Variants in NPHP4 observed in about 807,000 individuals in gnomAD.
NPHP4 encodes the protein nephrocystin 4, also known as nephrocystin-4.
In NPHP4, 151 loss-of-function variants were observed where a neutral mutation model predicts 155.8. The observed-to-expected ratio is 0.97, with a 90% CI of 0.85 to 1.11. The LOEUF (loss-of-function observed/expected upper bound fraction) is 1.11, where lower values mean the gene tolerates loss of function less well. NPHP4 is among the 50% of genes least tolerant of loss of function. The pLI, the probability that NPHP4 is intolerant of heterozygous loss-of-function variation, is 0.00. For missense variants in NPHP4, 1,956 were observed against 1,925.7 expected (o/e 1.02, Z -0.29); for synonymous variants, 845 against 816.8 (o/e 1.03, Z -0.59).
intron 3 of NPHP4, among the ~76,000 whole-genome samples, chr1:5,974,528 A>C (rs930073957): frequency 1.3e-5 from 2 of 152,128 alleles, no homozygotes; most frequent in African/African-American, 4.8e-5. Context: ...CTTTTTTAGA[A>C]GTTGAATGAA....
intron 5 of NPHP4, 54 bp downstream of exon 5, chr1:5,967,245 C>T: frequency 7.3e-7 from 1 of 1,377,726 alleles, no homozygotes; most frequent in Admixed American, 1.9e-5. Flanking sequence ...GTGGGGAACA[C>T]TCAGGGAAGG....
chr1:5,966,463 T>C (rs1651520829), intron 5 of NPHP4, among the ~76,000 whole-genome samples: 1 of 152,120 alleles, frequency 6.6e-6, no homozygotes, highest in South Asian at 2.1e-4. Context: ...CCAGGCTGGT[T>C]TCGAACTCCT....
intron 3 of NPHP4, among the ~76,000 whole-genome samples, chr1:5,975,261 T>C (rs1179272854): frequency 6.6e-6 from 1 of 152,158 alleles, no homozygotes; most frequent in Admixed American, 6.5e-5. Context: ...CTTTGCTCTG[T>C]ATGAGAATGC....
rs942161166 is a variant in NPHP4, at chr1:5,910,814, A to T, written c.1442-1601T>A. Among the ~76,000 whole-genome samples the T allele has an allele frequency of 2.0e-5, 3 of 152,160 alleles. No individual in the cohort carries two copies. The highest frequency in any genetic ancestry group is 4.4e-5 in the Non-Finnish European group (3 of 68,014). The stretch of plus-strand genomic sequence containing the variant: ...AGCAGCTTCCAGAACCCATCCAAGG[A>T]GGTGCTTCCCCAGCTGCAGGATCTG... On this transcript the variant is annotated intron_variant, in intron 11 of 29. Transcript: ENST00000378156. The surrounding 1 kb of genome is among the most constrained non-coding windows in gnomAD (Gnocchi z 5.4).
chr1:5,932,717 C>G (rs1646339181), intron 10 of NPHP4, among the ~76,000 whole-genome samples: 1 of 151,814 alleles, frequency 6.6e-6, no homozygotes, highest in Non-Finnish European at 1.5e-5. Flanking sequence ...TGGTACACAC[C>G]CAAGGTCCAA....
chr1:5,926,961 T>C (rs1646036886), intron 11 of NPHP4, among the ~76,000 whole-genome samples: 1 of 152,208 alleles, frequency 6.6e-6, no homozygotes, highest in African/African-American at 2.4e-5. Flanking sequence ...GGCCCCATAC[T>C]CATTCAGGTG....
At chr1:5,974,175 G>A (rs1653096377) in intron 3 of NPHP4, among the ~76,000 whole-genome samples, 1 of 152,214 alleles carries the variant, frequency 6.6e-6, no homozygotes, top group South Asian at 2.1e-4. Context: ...CGCTCAAGAG[G>A]GGCTTTCTCA....
chr1:5,964,939 A>ATTTTTTTTTTTTTTTT (rs1232148646), intron 5 of NPHP4, among the ~76,000 whole-genome samples: 4 of 62,700 alleles, frequency 6.4e-5, no homozygotes, highest in East Asian at 3.7e-4. Context: ...ATATATATAT[A>ATTTTTTTTTTTTTTTT]TATTTTTTTT....
rs147571490 is a variant in NPHP4 at position 5,883,011 on chromosome 1, C to A, written c.2486-2772G>T. Among the ~76,000 whole-genome samples the A allele has an allele frequency of 3.7e-3, 570 of 152,316 alleles. 1 individual carries two copies. Among genetic ancestry groups the A allele is most frequent in the African/African-American group, 0.013 (526 of 41,578 alleles). ...TGTATCTTCTGAAGCCCAGGAAGAA[C>A]AGGGCTCCCGGTGAGAAGGGCACTC... On this transcript the variant is annotated intron_variant, in intron 18 of 29. Transcript: ENST00000378156.
At chr1:5,864,767 C>G (rs185199261) in intron 27 of NPHP4, 1 of 544,968 alleles carries the variant, frequency 1.8e-6, no homozygotes, top group East Asian at 2.9e-5. Flanking sequence ...CTGAAGCCAT[C>G]TTGGGCTTAA....
intron 16 of NPHP4, among the ~76,000 whole-genome samples, chr1:5,902,473 C>T (rs1235926129): frequency 6.6e-6 from 1 of 152,224 alleles, no homozygotes; most frequent in Non-Finnish European, 1.5e-5. Context: ...ATCTGCCTCT[C>T]TTGACCGACT....
At chr1:5,868,035 C>G in intron 23 of NPHP4, 139 bp from the exon 24 acceptor site, 1 of 937,772 alleles carries the variant, frequency 1.1e-6, no homozygotes, top group Non-Finnish European at 1.7e-6. Flanking sequence ...GAAGGTCGGG[C>G]ATCGTCAAAG....
intron 7 of NPHP4, among the ~76,000 whole-genome samples, chr1:5,949,880 C>T (rs568592417): frequency 6.6e-6 from 1 of 152,270 alleles, no homozygotes; most frequent in South Asian, 2.1e-4. Context: ...GGAGGCAGCA[C>T]ATAGTGAGGC....
chr1:5,874,755 G>A, intron 21 of NPHP4, 98 bp from the exon 22 acceptor site: 1 of 1,516,902 alleles, frequency 6.6e-7, no homozygotes, highest in Non-Finnish European at 9.0e-7. Context: ...CAGAGGAGTG[G>A]GAGAGAGAAG....
chr1:5,945,116 A>T (rs1162889621), intron 9 of NPHP4, among the ~76,000 whole-genome samples: 1 of 152,238 alleles, frequency 6.6e-6, no homozygotes, highest in Non-Finnish European at 1.5e-5. Context: ...TCTTGGTTTC[A>T]GCATACAGAT....
intron 9 of NPHP4, 21 bp from the exon 10 acceptor site, chr1:5,933,350 A>G (rs1053020549): frequency 1.2e-6 from 2 of 1,602,336 alleles, no homozygotes; most frequent in African/African-American, 2.7e-5. Context: ...AACAAAGCAC[A>G]TCGGTGTATG....
intron 9 of NPHP4, among the ~76,000 whole-genome samples, chr1:5,943,061 G>C (rs577050303): frequency 1.7e-4 from 26 of 152,298 alleles, no homozygotes; most frequent in African/African-American, 6.0e-4. Flanking sequence ...TTCAAAAGAG[G>C]CAGTGCTGTG....
chr1:5,928,927 A>G (rs1277578651), intron 10 of NPHP4, among the ~76,000 whole-genome samples: 1 of 152,192 alleles, frequency 6.6e-6, no homozygotes, highest in Non-Finnish European at 1.5e-5. Flanking sequence ...ACGTCTCTCC[A>G]ATTATTTAGG....
Position 5,887,290 on chromosome 1 carries a change from G to C in NPHP4, c.2481C>G (p.Asn827Lys), listed in dbSNP as rs761721701. 1 of 1,612,368 alleles carries C rather than the reference G, an allele frequency of 6.2e-7. No individual in the cohort carries two copies. The highest frequency in any genetic ancestry group is 2.2e-5 in the East Asian group (1 of 44,842). ...CACAAGGCTGGGGACTCTTACCCAC[G>C]TTGGCCAAAGTCAGGTGCAGCCGGC... Reference protein sequence around the residue: ...VKGRLHLTLANVGHPCEQKVR... With the variant: ...VKGRLHLTLAKVGHPCEQKVR... The change falls in exon 18 of 30, where the codon AAC (asparagine) becomes AAG (lysine). Residue 827 changes from asparagine (N) to lysine (K), a missense_variant. Physicochemically the swap from Asn to Lys is moderately conservative, Grantham distance 94. Coordinates refer to ENST00000378156, the MANE Select transcript of NPHP4 (RefSeq NM_015102.5).
Sources: gnomAD v4.1 joint callset for allele counts (sites outside exome capture counted in the v4.1 genomes callset) on GRCh38, gnomAD v4.1.1 for gene constraint, Gnocchi (gnomAD v3.1) non-coding constraint, MANE v1.5 for transcripts, NCBI Gene and HGNC (gene_info 2026-07-23, HGNC 2026-07-21) for gene names.